The following KIF19 variants were observed in gnomAD, a reference collection of about 807,000 sequenced individuals.
The protein encoded by KIF19 is kinesin-like protein KIF19.
KIF19 carries 98 observed loss-of-function variants against 106.6 expected under a neutral mutation model. The ratio of observed to expected loss-of-function variants is 0.92; its 90% CI spans 0.78 to 1.09. The LOEUF (loss-of-function observed/expected upper bound fraction) is 1.09, where lower values mean the gene tolerates loss of function less well. Among genes scored for constraint, KIF19 ranks in the 50% least tolerant of loss-of-function variants. The pLI is 0.00. For missense variants in KIF19, 1,373 were observed against 1,414.3 expected (o/e 0.97, Z 0.47); for synonymous variants, 516 against 584.2 (o/e 0.88, Z 1.68).
intron 15 of KIF19, 85 bp downstream of exon 15, chr17:74,353,039 CAG>C: frequency 6.5e-7 from 1 of 1,540,568 alleles, no homozygotes; most frequent in Non-Finnish European, 8.9e-7. Context: ...ATGGGGAACA[CAG>C]AGCAGCAATG....
intron 2 of KIF19, among the ~76,000 whole-genome samples, chr17:74,335,333 G>A (rs926245114): frequency 1.3e-5 from 2 of 152,220 alleles, no homozygotes; most frequent in African/African-American, 4.8e-5. Context: ...TCAGGCATTT[G>A]GAGGCCAGAA....
chr17:74,343,429 G>A, intron 5 of KIF19, among the ~76,000 whole-genome samples: 1 of 152,184 alleles, frequency 6.6e-6, no homozygotes, highest in Non-Finnish European at 1.5e-5. Flanking sequence ...ATCCTCACAG[G>A]CCCATTCCTT....
Position 74,346,272 on chromosome 17 carries a change from G to T in KIF19, c.778-106G>T. The T allele has an allele frequency of 1.5e-6, 2 of 1,306,706 alleles. No individual in the cohort carries two copies. Among genetic ancestry groups the T allele is most frequent in the Non-Finnish European group, 2.1e-6 (2 of 952,310 alleles). The allele number at this position is 1,306,706 out of a possible 1,614,324, so 80.9% of individuals were successfully genotyped here. A position where few individuals can be genotyped will look rare whatever the true frequency, so the allele number is the denominator to read the frequency against. ...GGAGGACGGCCACAAGGTCCTTGGGGGTTTATTACCCAGGATCACCAGGTC... is the reference window on the plus strand; with the variant it reads ...GGAGGACGGCCACAAGGTCCTTGGGTGTTTATTACCCAGGATCACCAGGTC... On this transcript the variant is annotated intron_variant, in intron 7 of 19. Transcript: ENST00000389916. The surrounding 1 kb of genome is among the most constrained non-coding windows in gnomAD (Gnocchi z 4.6).
At chr17:74,343,349 G>A (rs897181154) in intron 5 of KIF19, among the ~76,000 whole-genome samples, 189 bp downstream of exon 5, 18 of 152,154 alleles carry the variant, frequency 1.2e-4, no homozygotes, top group Admixed American at 4.6e-4. Flanking sequence ...GCGAGGGAGC[G>A]GGGATTCAAA....
Position 74,353,302 on chromosome 17 carries a change from GT to G in KIF19, c.2220+2del. 6.4e-7 allele frequency: 1 copy of G among 1,565,932 alleles called. No individual in the cohort carries two copies. On this transcript the variant is annotated splice_donor_variant, in intron 16 of 19. Coordinates refer to ENST00000389916, the MANE Select transcript of KIF19 (RefSeq NM_153209.4). LOFTEE classifies it high-confidence loss of function. The stretch of plus-strand genomic sequence containing the variant: ...GCTCGGCAGCCTGGTGACGCAGGAG[GT>G]GAGCTCTCAGTACCCGATGGCCCCA...
At chr17:74,326,743 G>T (rs566571352) in intron 1 of KIF19, among the ~76,000 whole-genome samples, 2 of 152,240 alleles carry the variant, frequency 1.3e-5, no homozygotes, top group African/African-American at 4.8e-5. Flanking sequence ...CCAGAAGGAG[G>T]GTGGCGGTTT....
At chr17:74,326,420 C>G (rs1414794743) in intron 1 of KIF19, 32 bp downstream of exon 1, 1 of 1,605,910 alleles carries the variant, frequency 6.2e-7, no homozygotes, top group Non-Finnish European at 8.5e-7. Context: ...CTCCCCACCC[C>G]GCTCCGTGGT....
intron 3 of KIF19, 73 bp downstream of exon 3, chr17:74,342,059 C>T (rs2054392232): frequency 2.7e-6 from 3 of 1,096,274 alleles, no homozygotes; most frequent in Non-Finnish European, 4.1e-6. Flanking sequence ...GAGGGGCCCT[C>T]CAGGGCCCCT....
chr17:74,346,623 G>C lies in KIF19; in HGVS notation c.924+99G>C. On this transcript the variant is annotated intron_variant, in intron 8 of 19. Coordinates refer to ENST00000389916, the MANE Select transcript of KIF19 (RefSeq NM_153209.4). This position sits in a 1 kb window ranked among gnomAD's most constrained non-coding sequence, Gnocchi z 4.6. ...GGCACCCAGCTAAATTCCAACCTCAGGATACACAGCAAAATTTATTTTAGC... is the reference window on the plus strand; with the variant it reads ...GGCACCCAGCTAAATTCCAACCTCACGATACACAGCAAAATTTATTTTAGC... 2 of 1,115,562 alleles carry C rather than the reference G, an allele frequency of 1.8e-6. No homozygotes were observed. The highest frequency in any genetic ancestry group is 3.1e-5 in the South Asian group (2 of 64,456). The allele number at this position is 1,115,562 out of a possible 1,614,324, so 69.1% of individuals were successfully genotyped here. A position where few individuals can be genotyped will look rare whatever the true frequency, so the allele number is the denominator to read the frequency against.
At chr17:74,336,441 C>G (rs2054221365) in intron 2 of KIF19, among the ~76,000 whole-genome samples, 1 of 152,224 alleles carries the variant, frequency 6.6e-6, no homozygotes, top group African/African-American at 2.4e-5. Context: ...CAAATTTCCC[C>G]TTTTCATAAC....
In KIF19 at chr17:74,354,196, C is replaced by G. The variant is rs1289132335; in HGVS notation, c.2343C>G (p.Ile781Met). Residue 781 changes from isoleucine to methionine, a missense_variant, in exon 18 of 20, where the codon ATC becomes ATG. By Grantham distance (10) the Ile-to-Met change is conservative. Coordinates refer to ENST00000389916, the MANE Select transcript of KIF19 (RefSeq NM_153209.4). ...RKEILTGTKC[I>M]WVKAARRRSR... Reference sequence around the variant, plus strand: ...AGATCCTGACTGGCACCAAGTGCATCTGGGTGAAGGCCGCCCGGCGGCGCT... The same window carrying G: ...AGATCCTGACTGGCACCAAGTGCATGTGGGTGAAGGCCGCCCGGCGGCGCT... The G allele has an allele frequency of 1.2e-6, 2 of 1,609,740 alleles. No individual in the cohort carries two copies. Among genetic ancestry groups the G allele is most frequent in the Admixed American group, 1.7e-5 (1 of 59,882 alleles).
At chr17:74,347,296 G>A (rs775329339) in intron 8 of KIF19, among the ~76,000 whole-genome samples, 66 of 152,306 alleles carry the variant, frequency 4.3e-4, no homozygotes, top group Admixed American at 8.5e-4. Flanking sequence ...CAGCACTTTG[G>A]GAGGCCGAGG....
chr17:74,339,508 G>T (rs1049097064), intron 2 of KIF19, among the ~76,000 whole-genome samples: 4 of 150,248 alleles, frequency 2.7e-5, no homozygotes, highest in African/African-American at 9.9e-5. Flanking sequence ...TACCTCCCTC[G>T]CCCCCTTCCC....
At chr17:74,353,157 C>T (rs2054767354) in intron 15 of KIF19, 39 bp from the exon 16 acceptor site, 1 of 1,515,202 alleles carries the variant, frequency 6.6e-7, no homozygotes, top group Non-Finnish European at 9.0e-7. Flanking sequence ...GGTGAGATAG[C>T]CTGGTCTACA....
rs146029126 is a variant in KIF19 at position 74,338,704 on chromosome 17, C to A, written c.121-3172C>A. On this transcript the variant is annotated intron_variant, in intron 2 of 19. Transcript: ENST00000389916. Reference sequence around the variant, plus strand: ...GGAAGGGGGTTTGACCCAGGGCACACGTAGAATGCTGAGGGAGTCTGGTGG... The same window carrying A: ...GGAAGGGGGTTTGACCCAGGGCACAAGTAGAATGCTGAGGGAGTCTGGTGG... Among the ~76,000 whole-genome samples, 5 of 151,978 alleles carry A rather than the reference C, an allele frequency of 3.3e-5. No individual in the cohort carries two copies. In the South Asian group the frequency reaches 6.2e-4, roughly 19 times the overall value.
Position 74,350,768 on chromosome 17 carries a change from T to C in KIF19, c.1450T>C (p.Tyr484His). Residue 484 changes from tyrosine to histidine, a missense_variant, in exon 12 of 20, where the codon TAC becomes CAC. Around this residue, in one of 3 missense-constraint regions of KIF19, gnomAD observed 1,020 missense variants for 1,008.2 expected, o/e 1.01. Coordinates refer to ENST00000389916, the MANE Select transcript of KIF19 (RefSeq NM_153209.4). ...KWREEQRKEC[Y>H]AKDDSEKDSD... ...GCGGGAGGAGCAGCGAAAGGAGTGC[T>C]ACGCTAAGGACGACAGCGAGAAGGA... The C allele has an allele frequency of 1.9e-6, 3 of 1,613,928 alleles. No individual in the cohort carries two copies. The highest frequency in any genetic ancestry group is 2.5e-6 in the Non-Finnish European group (3 of 1,179,890).
Position 74,346,246 on chromosome 17 carries a change from A to G in KIF19, c.778-132A>G. On this transcript the variant is annotated intron_variant, in intron 7 of 19. Coordinates refer to ENST00000389916, the MANE Select transcript of KIF19 (RefSeq NM_153209.4). This position sits in a 1 kb window ranked among gnomAD's most constrained non-coding sequence, Gnocchi z 4.6. ...CTCCAATGCCCTCAGTGGCCTTGGC[A>G]GGAGGACGGCCACAAGGTCCTTGGG... is the stretch of plus-strand genomic sequence containing the variant. 2.0e-6 allele frequency: 2 copies of G among 999,076 alleles called. No homozygotes were observed. Among genetic ancestry groups the G allele is most frequent in the Admixed American group, 5.4e-5 (2 of 36,922 alleles). 61.9% of individuals were successfully genotyped at this position (999,076 alleles called of 1,614,324 possible).
At position 74,354,878 on chromosome 17, in the gene KIF19, C is replaced by A. The variant is rs530501840; in HGVS notation, c.2803C>A (p.Arg935=). Reference sequence around the variant, plus strand: ...GTGCAGGCACCCAGCCCCTGGTATCCGGCATCTGGGAAAGGTCACGCTACC... The same window carrying A: ...GTGCAGGCACCCAGCCCCTGGTATCAGGCATCTGGGAAAGGTCACGCTACC... ...PVCRHPAPGI[R]HLGKVTLPLA... is the part of the protein sequence containing the mutation. Residue 935 remains arginine (R), a synonymous_variant, in exon 19 of 20, where the codon CGG becomes AGG. Coordinates refer to ENST00000389916, the MANE Select transcript of KIF19 (RefSeq NM_153209.4). 160 of 1,568,232 alleles carry A rather than the reference C, an allele frequency of 1.0e-4. No individual in the cohort carries two copies. The highest frequency in any genetic ancestry group is 1.3e-4 in the Non-Finnish European group (152 of 1,157,102).
chr17:74,343,024 G>A lies in KIF19; in HGVS notation c.320G>A (p.Gly107Asp), dbSNP rs756048450. 2.0e-5 allele frequency: 32 copies of A among 1,603,122 alleles called. No individual in the cohort carries two copies. The highest frequency in any genetic ancestry group is 2.7e-5 in the Non-Finnish European group (32 of 1,175,880). The stretch of plus-strand genomic sequence containing the variant: ...CACCCTCCACCTTGTTCTGCCCCAG[G>A]CTGTGGGAAAACCTACACCATGCTG... ...NATVFAYGPTGCGKTYTMLGT... is the reference protein window; with the variant it reads ...NATVFAYGPTDCGKTYTMLGT... Residue 107 changes from glycine (G) to aspartate (D), a missense_variant and splice_region_variant, in exon 5 of 20, where the codon GGC (glycine) becomes GAC (aspartate). Coordinates refer to ENST00000389916, the MANE Select transcript of KIF19 (RefSeq NM_153209.4).
Sources: allele counts gnomAD v4.1 joint callset (sites outside exome capture counted in the v4.1 genomes callset), GRCh38; gene constraint gnomAD v4.1.1; regional missense constraint gnomAD v4.1.1; non-coding constraint Gnocchi (gnomAD v3.1); transcripts MANE v1.5; gene names NCBI Gene and HGNC (gene_info 2026-07-23, HGNC 2026-07-21).